The following STK3 variants were observed in gnomAD, a reference collection of about 807,000 sequenced individuals.
STK3 encodes serine/threonine kinase 3.
STK3 carries 41 observed loss-of-function variants against 58.0 expected under a neutral mutation model. The ratio of observed to expected loss-of-function variants is 0.71; its 90% CI spans 0.55 to 0.92. STK3 has a LOEUF of 0.92. Ranked by LOEUF, STK3 falls within the 40% of genes least tolerant of loss-of-function variation. The probability of loss-of-function intolerance (pLI) is 0.00; values close to 1 mark genes in which losing one functional copy is unlikely to be tolerated. For synonymous variants in STK3, 170 were observed against 191.0 expected, an observed-to-expected ratio of 0.89 and a Z score of 0.91; for missense variants, 479 against 602.7, an observed-to-expected ratio of 0.79 and a Z score of 2.15.
intron 1 of STK3, among the ~76,000 whole-genome samples, chr8:98,923,854 T>TGTGTGC (rs1491486943): frequency 0.011 from 1,237 of 113,590 alleles, 15 homozygotes; most frequent in South Asian, 0.027. Context: ...TGTGTGTGTG[T>TGTGTGC]GCGCGCGCGC....
intron 2 of STK3, among the ~76,000 whole-genome samples, chr8:98,771,301 CACTGT>C (rs775809568): frequency 3.3e-5 from 5 of 152,212 alleles, no homozygotes; most frequent in Non-Finnish European, 5.9e-5. Context: ...GCTAAAAGGT[CACTGT>C]ACAGACATAT....
chr8:98,463,778 A>T (rs1820201436), intron 10 of STK3, among the ~76,000 whole-genome samples: 1 of 152,186 alleles, frequency 6.6e-6, no homozygotes, highest in Non-Finnish European at 1.5e-5. Flanking sequence ...TCGTAATTAC[A>T]TGAGCGATTT....
chr8:98,372,504 T>C (rs1386373408), intron 2 of STK3, among the ~76,000 whole-genome samples: 1 of 150,720 alleles, frequency 6.6e-6, no homozygotes, highest in Non-Finnish European at 1.5e-5. Flanking sequence ...TTGTTATTTT[T>C]CCTAGGCTTT....
chr8:98,610,432 G>A lies in STK3; in HGVS notation c.685-14263C>T, dbSNP rs562415507. On this transcript the variant is annotated intron_variant, in intron 6 of 10. Transcript: ENST00000419617. ...TACTGCCTAGCTTCATTTTACCAAAGTGCAACAATAATTCAATTCAATCCA... is the reference window on the plus strand; with the variant it reads ...TACTGCCTAGCTTCATTTTACCAAAATGCAACAATAATTCAATTCAATCCA... 1.1e-3 allele frequency among the ~76,000 whole-genome samples: 172 copies of A among 152,302 alleles called. 1 individual carries two copies. Among genetic ancestry groups the A allele is most frequent in the South Asian group, 3.3e-3 (16 of 4,832 alleles).
At chr8:98,515,669 C>T (rs997483810) in intron 10 of STK3, among the ~76,000 whole-genome samples, 21 of 151,814 alleles carry the variant, frequency 1.4e-4, no homozygotes, top group Non-Finnish European at 2.8e-4. Flanking sequence ...TTCCTGGGTT[C>T]AAATTTTTGC....
chr8:98,661,221 A>G (rs940018374), intron 6 of STK3, among the ~76,000 whole-genome samples: 4 of 152,198 alleles, frequency 2.6e-5, no homozygotes, highest in Admixed American at 6.6e-5. Context: ...CTTCTAGAAT[A>G]GAGATAACTA....
At chr8:98,576,390 C>A (rs2131710127) in intron 8 of STK3, among the ~76,000 whole-genome samples, 1 of 152,218 alleles carries the variant, frequency 6.6e-6, no homozygotes, top group South Asian at 2.1e-4. Context: ...GGGCCCCCTG[C>A]AATTACATAT....
chr8:98,366,842 A>G (rs1817569987), downstream of STK3, among the ~76,000 whole-genome samples: 1 of 152,216 alleles, frequency 6.6e-6, no homozygotes, highest in South Asian at 2.1e-4. Context: ...TATCTTTCCA[A>G]GAGTCATCAT....
intron 3 of STK3, among the ~76,000 whole-genome samples, chr8:98,846,269 A>G (rs1028029248): frequency 2.0e-5 from 3 of 152,178 alleles, no homozygotes; most frequent in Non-Finnish European, 4.4e-5. Context: ...ACCAATTGAT[A>G]GTGTCTGCCA....
intron 2 of STK3, among the ~76,000 whole-genome samples, chr8:98,434,962 T>C (rs957604165): frequency 6.6e-6 from 1 of 152,214 alleles, no homozygotes; most frequent in African/African-American, 2.4e-5. Context: ...TAACCTAGTG[T>C]GCTCCTAGCC....
intron 10 of STK3, among the ~76,000 whole-genome samples, chr8:98,463,269 T>C (rs1820153585): frequency 6.6e-6 from 1 of 152,182 alleles, no homozygotes; most frequent in Admixed American, 6.5e-5. Context: ...GTTTGGTACA[T>C]GAGTGACAGC....
chr8:98,904,994 T>A, intron 1 of STK3: 1 of 753,184 alleles, frequency 1.3e-6, no homozygotes, highest in Non-Finnish European at 2.4e-6. Flanking sequence ...AGACCCAGTA[T>A]CGCTTATAGT....
chr8:98,903,491 T>TTCC (rs1408909198), intron 1 of STK3, among the ~76,000 whole-genome samples: 1 of 20,108 alleles, frequency 5.0e-5, no homozygotes, highest in Non-Finnish European at 9.0e-5. Flanking sequence ...TAGGAAGTTC[T>TTCC]TCTTCTTCTT....
chr8:98,787,962 C>T (rs1832572842), intron 1 of STK3, among the ~76,000 whole-genome samples: 1 of 152,120 alleles, frequency 6.6e-6, no homozygotes, highest in Non-Finnish European at 1.5e-5. Flanking sequence ...AGCCAGAAAA[C>T]ACATCAAAAC....
At chr8:98,856,608 A>G (rs1564064755) in intron 3 of STK3, among the ~76,000 whole-genome samples, 2 of 152,214 alleles carry the variant, frequency 1.3e-5, no homozygotes, top group Admixed American at 6.5e-5. Flanking sequence ...TACTAGTGGG[A>G]ATGTAAAATG....
chr8:98,790,028 C>CA (rs530630466), intron 1 of STK3, among the ~76,000 whole-genome samples: 59,996 of 88,726 alleles, frequency 0.68, 20,124 homozygotes, highest in African/African-American at 0.78. Context: ...GACTTCATCT[C>CA]AAAAAAAAAA....
chr8:98,537,560 C>T (rs1809875110), intron 9 of STK3, among the ~76,000 whole-genome samples: 2 of 152,116 alleles, frequency 1.3e-5, no homozygotes, highest in Non-Finnish European at 2.9e-5. Context: ...TAACCACTGT[C>T]ATATGTGATG....
At chr8:98,659,655 C>A (rs1444325281) in intron 6 of STK3, among the ~76,000 whole-genome samples, 2 of 151,892 alleles carry the variant, frequency 1.3e-5, no homozygotes, top group Non-Finnish European at 2.9e-5. Flanking sequence ...TTATTAGCTA[C>A]ATTGTTGATA....
chr8:98,734,323 T>C lies in STK3; in HGVS notation c.351+14953A>G, dbSNP rs186951343. ...TAACAGATGAGGACACTGAAGTCCTTGTCAGTTGAATGATTTGCTACAGAC... is the reference window on the plus strand; with the variant it reads ...TAACAGATGAGGACACTGAAGTCCTCGTCAGTTGAATGATTTGCTACAGAC... On this transcript the variant is annotated intron_variant, in intron 4 of 10. Transcript: ENST00000419617. Among the ~76,000 whole-genome samples, 64 of 152,300 alleles carry C rather than the reference T, an allele frequency of 4.2e-4. 1 individual carries two copies. The highest frequency in any genetic ancestry group is 1.5e-3 in the South Asian group (7 of 4,826).
Sources: allele counts gnomAD v4.1 joint callset (sites outside exome capture counted in the v4.1 genomes callset), GRCh38; gene constraint gnomAD v4.1.1; transcripts MANE v1.5; gene names NCBI Gene and HGNC (gene_info 2026-07-23, HGNC 2026-07-21).